The following WDPCP variants were observed in gnomAD, a reference collection of about 807,000 sequenced individuals.
The protein encoded by WDPCP is WD repeat containing planar cell polarity effector, also known as WD repeat-containing and planar cell polarity effector protein fritz homolog.
WDPCP carries 71 observed loss-of-function variants against 93.1 expected under a neutral mutation model. The ratio of observed to expected loss-of-function variants is 0.76; its 90% CI spans 0.63 to 0.93. The LOEUF (loss-of-function observed/expected upper bound fraction) is 0.93. Ranked by LOEUF, WDPCP falls within the 40% of genes least tolerant of loss-of-function variation. WDPCP has a pLI of 0.00. For missense variants in WDPCP, 844 were observed against 887.4 expected, an observed-to-expected ratio of 0.95 and a Z score of 0.62; for synonymous variants, 315 against 315.0, an observed-to-expected ratio of 1.00 and a Z score of 0.00.
At chr2:63,552,381 A>T (rs1382805384) in intron 1 of WDPCP, among the ~76,000 whole-genome samples, 1 of 152,084 alleles carries the variant, frequency 6.6e-6, no homozygotes, top group Non-Finnish European at 1.5e-5. Context: ...ATAAAATGCC[A>T]ATTTTTAAAG....
rs529366054 is a variant in WDPCP at position 63,768,076 on chromosome 2, T to C, written n.308+45546A>G. Reference sequence around the variant, plus strand: ...TTAGGTTTTATATTCAGGTCTATGATCAATTTTTAGTTGATTTTATTTATG... The same window carrying C: ...TTAGGTTTTATATTCAGGTCTATGACCAATTTTTAGTTGATTTTATTTATG... On this transcript the variant is annotated intron_variant and non_coding_transcript_variant, in intron 2 of 4. Coordinates refer to the WDPCP transcript ENST00000467687. Among the ~76,000 whole-genome samples the C allele has an allele frequency of 2.6e-4, 39 of 152,232 alleles. No individual in the cohort carries two copies. In the South Asian group the frequency reaches 6.8e-3, roughly 27 times the overall value.
chr2:63,460,695 C>T (rs1474219210), intron 6 of WDPCP, among the ~76,000 whole-genome samples: 1 of 152,052 alleles, frequency 6.6e-6, no homozygotes, highest in Admixed American at 6.5e-5. Flanking sequence ...TGCTCGATCT[C>T]GGCTCACTGC....
chr2:63,242,696 G>A (rs1023065767), intron 14 of WDPCP, among the ~76,000 whole-genome samples: 11 of 152,156 alleles, frequency 7.2e-5, no homozygotes, highest in African/African-American at 2.7e-4. Context: ...AATGGCTTTT[G>A]CTTTTACAGT....
intron 13 of WDPCP, among the ~76,000 whole-genome samples, chr2:63,304,877 G>A (rs1465774073): frequency 6.6e-6 from 1 of 152,070 alleles, no homozygotes; most frequent in East Asian, 1.9e-4. Flanking sequence ...ACAGCAGTTT[G>A]AAGTCCACCT....
intron 1 of WDPCP, among the ~76,000 whole-genome samples, chr2:63,526,463 G>A (rs1416360291): frequency 6.6e-6 from 1 of 152,150 alleles, no homozygotes; most frequent in African/African-American, 2.4e-5. Context: ...AAATTAAGAG[G>A]AAAGATACAG....
intron 17 of WDPCP, among the ~76,000 whole-genome samples, chr2:63,127,474 A>G (rs914812298): frequency 2.0e-5 from 3 of 151,970 alleles, no homozygotes; most frequent in Non-Finnish European, 4.4e-5. Context: ...AGAATAGTTT[A>G]TCAATTACTC....
intron 2 of WDPCP, among the ~76,000 whole-genome samples, chr2:63,733,183 ATTTTTTTTTT>A (rs70965141): frequency 2.1e-5 from 2 of 94,932 alleles, no homozygotes; most frequent in Admixed American, 1.2e-4. Context: ...CAAATAAATG[ATTTTTTTTTT>A]TTTTTTTTTT....
intron 1 of WDPCP, among the ~76,000 whole-genome samples, chr2:63,563,832 G>C (rs1346282330): frequency 1.3e-5 from 2 of 152,018 alleles, no homozygotes; most frequent in Non-Finnish European, 2.9e-5. Flanking sequence ...CTTGAAATTG[G>C]GCTTGTCAGC....
At position 63,606,836 on chromosome 2, in the gene WDPCP, C is replaced by T. The variant is rs1553445302; in HGVS notation, n.488+43823G>A. On this transcript the variant is annotated intron_variant and non_coding_transcript_variant, in intron 3 of 4. Transcript: ENST00000467687. ...CTGAAAGATCAGTTCCAGTTTAAAT[C>T]TCTTATTTGCATTATTTTCAAACAG... The T allele has an allele frequency of 2.5e-6, 4 of 1,576,800 alleles. No homozygotes were observed. In the Admixed American group the frequency reaches 7.2e-5, roughly 28 times the overall value.
intron 3 of WDPCP, among the ~76,000 whole-genome samples, chr2:63,647,307 T>C (rs1710063352): frequency 6.6e-6 from 1 of 152,066 alleles, no homozygotes; most frequent in Admixed American, 6.5e-5. Flanking sequence ...CCAGCTAATT[T>C]TTGTATTTTT....
intron 6 of WDPCP, among the ~76,000 whole-genome samples, chr2:63,475,657 T>C (rs1699932605): frequency 6.6e-6 from 1 of 152,088 alleles, no homozygotes; most frequent in South Asian, 2.1e-4. Context: ...AGTAGTTAAA[T>C]ATTAAAACAG....
intron 3 of WDPCP, among the ~76,000 whole-genome samples, chr2:63,614,539 G>C (rs1296617640): frequency 6.6e-6 from 1 of 152,120 alleles, no homozygotes; most frequent in African/African-American, 2.4e-5. Context: ...AAAGAGGCTG[G>C]AAGAACCACA....
chr2:63,201,301 T>G (rs1675896445), intron 14 of WDPCP, among the ~76,000 whole-genome samples: 1 of 152,156 alleles, frequency 6.6e-6, no homozygotes, highest in Non-Finnish European at 1.5e-5. Flanking sequence ...TGTGAGTCAA[T>G]TAAACCTATT....
upstream of WDPCP, among the ~76,000 whole-genome samples, chr2:63,592,140 T>C (rs1283121339): frequency 1.3e-5 from 2 of 152,190 alleles, no homozygotes; most frequent in Non-Finnish European, 2.9e-5. Flanking sequence ...TGGCCTAAAA[T>C]AGTACCAAGT....
At chr2:63,253,454 C>T (rs1285933449) in intron 14 of WDPCP, among the ~76,000 whole-genome samples, 3 of 152,006 alleles carry the variant, frequency 2.0e-5, no homozygotes, top group Admixed American at 1.3e-4. Flanking sequence ...AAACAGACAG[C>T]CTACAGAATG....
At chr2:63,499,363 G>C (rs572835645) in intron 1 of WDPCP, among the ~76,000 whole-genome samples, 30 of 152,296 alleles carry the variant, frequency 2.0e-4, no homozygotes, top group African/African-American at 7.2e-4. Context: ...GCCATAATAA[G>C]GAAGTCTTTG....
chr2:63,756,361 T>A (rs1288477497), intron 2 of WDPCP, among the ~76,000 whole-genome samples: 2 of 152,206 alleles, frequency 1.3e-5, no homozygotes, highest in Non-Finnish European at 2.9e-5. Flanking sequence ...AAGAAAGCAA[T>A]AGCCTTATTT....
intron 3 of WDPCP, among the ~76,000 whole-genome samples, chr2:63,486,863 A>G (rs1700603252): frequency 6.6e-6 from 1 of 152,002 alleles, no homozygotes; most frequent in Non-Finnish European, 1.5e-5. Context: ...GATAGGAAAG[A>G]GAACTGCAAC....
At chr2:63,689,757 AATTTT>A (rs1406053122) in intron 2 of WDPCP, among the ~76,000 whole-genome samples, 1 of 152,184 alleles carries the variant, frequency 6.6e-6, no homozygotes, top group African/African-American at 2.4e-5. Flanking sequence ...AATAGAAATA[AATTTT>A]ATTCTTATTT....
Sources: allele counts gnomAD v4.1 joint callset (sites outside exome capture counted in the v4.1 genomes callset), GRCh38; gene constraint gnomAD v4.1.1; transcripts MANE v1.5; gene names NCBI Gene and HGNC (gene_info 2026-07-23, HGNC 2026-07-21).